ITPKC: variants seen among roughly 807,000 people sequenced by gnomAD.
ITPKC encodes the protein IP3 3-kinase C.
ITPKC carries 33 observed loss-of-function variants against 67.1 expected under a neutral mutation model. That is an observed-to-expected ratio of 0.49 (90% CI 0.37 to 0.66). The LOEUF (loss-of-function observed/expected upper bound fraction) is 0.66. ITPKC is among the 30% of genes least tolerant of loss of function. ITPKC has a pLI of 0.00. For missense variants in ITPKC, 820 were observed against 892.1 expected (o/e 0.92, Z 1.03); for synonymous variants, 341 against 359.8 (o/e 0.95, Z 0.59).
rs376238455 is a variant in ITPKC, at chr19:40,737,078, C to T, written c.1767C>T (p.His589=). The change falls in exon 5 of 7, where the codon CAC becomes CAT. Residue 589 remains histidine (H), a synonymous_variant. Coordinates refer to ENST00000263370, the MANE Select transcript of ITPKC (RefSeq NM_025194.3). ...TGGAGGACTTCGTGGATGGAGACCA[C>T]GTCATCCTGGTGAGTGGGACACCCA... ...KVLEDFVDGD[H]VILQKYVACL... 12 of 1,569,778 alleles carry T rather than the reference C, an allele frequency of 7.6e-6. No individual in the cohort carries two copies. Among genetic ancestry groups the T allele is most frequent in the Middle Eastern group, 1.7e-4 (1 of 6,024 alleles).
At chr19:40,720,172 C>T (rs140419508) in intron 1 of ITPKC, among the ~76,000 whole-genome samples, 147 of 152,008 alleles carry the variant, frequency 9.7e-4, no homozygotes, top group African/African-American at 3.4e-3. Flanking sequence ...TCAAGACCAG[C>T]CTGGCCAACA....
intron 1 of ITPKC, among the ~76,000 whole-genome samples, chr19:40,719,390 A>ATAATAC (rs977119192): frequency 1.3e-5 from 2 of 151,858 alleles, no homozygotes; most frequent in Non-Finnish European, 2.9e-5. Context: ...AATAATAATA[A>ATAATAC]TAATAACAAC....
At chr19:40,728,059 T>A (rs752025590) in intron 2 of ITPKC, among the ~76,000 whole-genome samples, 23 of 152,204 alleles carry the variant, frequency 1.5e-4, no homozygotes, top group Non-Finnish European at 2.9e-4. Flanking sequence ...AGACCCACTG[T>A]GATCAGGAGA....
rs1208134290 is a variant in ITPKC, at chr19:40,717,788, G to A, written c.653G>A (p.Ser218Asn). 6.2e-7 allele frequency: 1 copy of A among 1,614,040 alleles called. No homozygotes were observed. Among genetic ancestry groups the A allele is most frequent in the Non-Finnish European group, 8.5e-7 (1 of 1,179,980 alleles). Residue 218 changes from serine to asparagine, a missense_variant, in exon 1 of 7, where the codon AGT (serine) becomes AAT (asparagine). Transcript: ENST00000263370. ...PEGACPSKEP[S>N]ADGSWKELYT... Reference sequence around the variant, plus strand: ...GGAGCCTGTCCCTCAAAAGAGCCAAGTGCTGATGGCTCCTGGAAAGAATTG... The same window carrying A: ...GGAGCCTGTCCCTCAAAAGAGCCAAATGCTGATGGCTCCTGGAAAGAATTG...
intron 6 of ITPKC, among the ~76,000 whole-genome samples, chr19:40,738,154 T>C (rs2082303819): frequency 6.6e-6 from 1 of 150,700 alleles, no homozygotes; most frequent in South Asian, 2.1e-4. Flanking sequence ...ATTGGCTGGG[T>C]GCGGTGGCTC....
intron 2 of ITPKC, among the ~76,000 whole-genome samples, chr19:40,727,071 A>G (rs1274784639): frequency 1.3e-5 from 2 of 152,150 alleles, no homozygotes; most frequent in Admixed American, 6.6e-5. Context: ...GCGGTGGCTC[A>G]CGCCTGTAAT....
chr19:40,718,269 C>T lies in ITPKC; in HGVS notation c.1134C>T (p.Ser378=), dbSNP rs1317847848. The change falls in exon 1 of 7, where the codon AGC becomes AGT. Residue 378 remains serine, a synonymous_variant. Coordinates refer to ENST00000263370, the MANE Select transcript of ITPKC (RefSeq NM_025194.3). ...DDVVAGGGGA[S]DPEDRSGSKP... ...TGGTGGCCGGGGGCGGAGGTGCCAGCGATCCCGAGGACAGGTCTGGGGTGA... is the reference window on the plus strand; with the variant it reads ...TGGTGGCCGGGGGCGGAGGTGCCAGTGATCCCGAGGACAGGTCTGGGGTGA... 2 of 1,518,378 alleles carry T rather than the reference C, an allele frequency of 1.3e-6. No homozygotes were observed. Among genetic ancestry groups the T allele is most frequent in the Non-Finnish European group, 8.8e-7 (1 of 1,138,776 alleles). 94.1% of individuals were successfully genotyped at this position (1,518,378 alleles called of 1,614,324 possible). A position where few individuals can be genotyped will look rare whatever the true frequency, so the allele number is the denominator to read the frequency against.
At position 40,739,378 on chromosome 19, in the gene ITPKC, T is replaced by C; in HGVS notation, c.1870T>C (p.Phe624Leu). Residue 624 changes from phenylalanine to leucine, a missense_variant, in exon 7 of 7, where the codon TTC (phenylalanine) becomes CTC (leucine). Transcript: ENST00000263370. ...THEVVGSSLL[F>L]VHDHTGLAKV... Reference sequence around the variant, plus strand: ...GCAGGTGGTAGGCAGCTCCCTCCTCTTCGTGCACGACCACACCGGCCTGGC... The same window carrying C: ...GCAGGTGGTAGGCAGCTCCCTCCTCCTCGTGCACGACCACACCGGCCTGGC... 2.5e-6 allele frequency: 4 copies of C among 1,613,726 alleles called. No individual in the cohort carries two copies. Among genetic ancestry groups the C allele is most frequent in the Non-Finnish European group, 3.4e-6 (4 of 1,180,022 alleles).
rs766498984 is a variant in ITPKC at position 40,717,321 on chromosome 19, A to G, written c.186A>G (p.Thr62=). ...AGGGGGGCGGGCCCTGGGCCCGGAC[A>G]GAGGGGTCCAGCCTCCACAGCGAGC... ...RPEGGGPWAR[T]EGSSLHSEPE... Residue 62 remains threonine, a synonymous_variant, in exon 1 of 7, where the codon ACA becomes ACG. Transcript: ENST00000263370. 2 of 1,589,362 alleles carry G rather than the reference A, an allele frequency of 1.3e-6. No individual in the cohort carries two copies. Among genetic ancestry groups the G allele is most frequent in the Non-Finnish European group, 1.7e-6 (2 of 1,170,562 alleles).
chr19:40,737,960 T>C (rs1599657349), intron 6 of ITPKC, among the ~76,000 whole-genome samples, 191 bp downstream of exon 6: 1 of 126,126 alleles, frequency 7.9e-6, no homozygotes, highest in South Asian at 2.7e-4. Flanking sequence ...AAGACCAGCC[T>C]GGGAAGCACA....
chr19:40,717,161 G>T lies in ITPKC; in HGVS notation c.26G>T (p.Ser9Ile). 3.3e-6 allele frequency: 4 copies of T among 1,227,356 alleles called. No homozygotes were observed. The highest frequency in any genetic ancestry group is 4.1e-6 in the Non-Finnish European group (4 of 985,364). The allele number at this position is 1,227,356 out of a possible 1,614,324, so 76.0% of individuals were successfully genotyped here. Residue 9 changes from serine to isoleucine, a missense_variant, in exon 1 of 7, where the codon AGC (serine) becomes ATC (isoleucine). Ser to Ile is a moderately radical substitution (Grantham distance 142). Coordinates refer to ENST00000263370, the MANE Select transcript of ITPKC (RefSeq NM_025194.3). MRRCPCRG[S>I]LNEAEAGALP... is the part of the protein sequence containing the mutation. ...ATGAGGCGCTGCCCGTGCCGTGGGA[G>T]CCTGAACGAGGCGGAGGCCGGGGCG...
At chr19:40,736,365 T>A (rs984536699) in intron 4 of ITPKC, among the ~76,000 whole-genome samples, 7 of 151,238 alleles carry the variant, frequency 4.6e-5, no homozygotes, top group Admixed American at 6.6e-5. Context: ...CCTAGATGGG[T>A]TCAACCAGGA....
chr19:40,732,706 A>G (rs896351560), intron 3 of ITPKC, among the ~76,000 whole-genome samples: 3 of 152,064 alleles, frequency 2.0e-5, no homozygotes, highest in South Asian at 4.1e-4. Context: ...TGTTGGGGTT[A>G]CAGATGTGAA....
At chr19:40,737,605 C>T in intron 5 of ITPKC, 93 bp from the exon 6 acceptor site, 1 of 1,109,050 alleles carries the variant, frequency 9.0e-7, no homozygotes, top group South Asian at 1.2e-5. Flanking sequence ...AGCCTGCCTG[C>T]TCCTTTGGGG....
In ITPKC at chr19:40,737,773, C is replaced by T. The variant is rs759778406; in HGVS notation, c.1848+4C>T. 24 of 1,613,032 alleles carry T rather than the reference C, an allele frequency of 1.5e-5. No individual in the cohort carries two copies. The highest frequency in any genetic ancestry group is 1.5e-4 in the African/African-American group (11 of 74,898). The stretch of plus-strand genomic sequence containing the variant: ...CCCCTTCTTCAAGACCCACGAGGTG[C>T]GAGCCCTGGCTTCCATGGGTGGATG... On this transcript the variant is annotated splice_donor_region_variant and intron_variant, in intron 6 of 6. Transcript: ENST00000263370.
At chr19:40,728,002 C>A (rs570837790) in intron 2 of ITPKC, among the ~76,000 whole-genome samples, 2 of 152,230 alleles carry the variant, frequency 1.3e-5, no homozygotes, top group South Asian at 4.1e-4. Context: ...TAAGAGTATA[C>A]TCCTTGATGG....
intron 2 of ITPKC, among the ~76,000 whole-genome samples, chr19:40,727,567 G>A (rs2082252067): frequency 6.6e-6 from 1 of 152,106 alleles, no homozygotes; most frequent in South Asian, 2.1e-4. Context: ...GAAAACTTTT[G>A]GAGGTTCATT....
rs74404385 is a variant in ITPKC at position 40,730,977 on chromosome 19, C to T, written c.1469+1562C>T. On this transcript the variant is annotated intron_variant, in intron 3 of 6. Coordinates refer to ENST00000263370, the MANE Select transcript of ITPKC (RefSeq NM_025194.3). ...GGACTCAGTCCCCAAGACTGCCCCC[C>T]AGTTACAGACACCAGTCATAAGTTC... 9.6e-3 allele frequency among the ~76,000 whole-genome samples: 1,455 copies of T among 152,124 alleles called. 36 individuals carry two copies. Among genetic ancestry groups the T allele is most frequent in the African/African-American group, 0.034 (1,395 of 41,504 alleles).
At chr19:40,727,224 C>T (rs542421895) in intron 2 of ITPKC, among the ~76,000 whole-genome samples, 107 of 152,152 alleles carry the variant, frequency 7.0e-4, no homozygotes, top group African/African-American at 2.4e-3. Flanking sequence ...ATCCCAGCTA[C>T]TCGGGAGGCT....
Sources: allele counts gnomAD v4.1 joint callset (sites outside exome capture counted in the v4.1 genomes callset), GRCh38; gene constraint gnomAD v4.1.1; transcripts MANE v1.5; gene names NCBI Gene and HGNC (gene_info 2026-07-23, HGNC 2026-07-21).